The following CUL1 variants were observed in gnomAD, a reference collection of about 807,000 sequenced individuals.
The protein encoded by CUL1 is cullin 1.
In CUL1, 24 loss-of-function variants were observed where a neutral mutation model predicts 118.0. That is an observed-to-expected ratio of 0.20 (90% confidence interval 0.15 to 0.29). CUL1 has a LOEUF of 0.29. Ranked by LOEUF, CUL1 falls within the 10% of genes least tolerant of loss-of-function variation. The pLI is 1.00. For missense variants in CUL1, 361 were observed against 933.8 expected, an observed-to-expected ratio of 0.39 and a Z score of 7.99; for synonymous variants, 332 against 340.4, an observed-to-expected ratio of 0.98 and a Z score of 0.27.
chr7:148,746,426 C>T (rs1257174067), intron 2 of CUL1, among the ~76,000 whole-genome samples: 1 of 152,056 alleles, frequency 6.6e-6, no homozygotes, highest in African/African-American at 2.4e-5. Flanking sequence ...AAGAATCTGC[C>T]CTGAAAGAAC....
chr7:148,717,932 T>C (rs1299031204), intron 1 of CUL1, among the ~76,000 whole-genome samples: 1 of 152,204 alleles, frequency 6.6e-6, no homozygotes, highest in Non-Finnish European at 1.5e-5. Flanking sequence ...TCTCTTCCAA[T>C]ACCTGCAGGC....
In CUL1 at chr7:148,787,141, A is replaced by G. The variant is rs912665382; in HGVS notation, c.1479+21A>G. On this transcript the variant is annotated intron_variant, in intron 13 of 21. Coordinates refer to ENST00000325222, the MANE Select transcript of CUL1 (RefSeq NM_003592.3). This position sits in a 1 kb window ranked among gnomAD's most constrained non-coding sequence, Gnocchi z 5.5. ...TAAAGGTGAGTTTCATCTTTTCCTGAAAAATCCCAGCTTCTGAGTCATTAT... is the reference window on the plus strand; with the variant it reads ...TAAAGGTGAGTTTCATCTTTTCCTGGAAAATCCCAGCTTCTGAGTCATTAT... 1.1e-5 allele frequency: 17 copies of G among 1,611,458 alleles called. No homozygotes were observed. The Admixed American group carries it at 1.8e-4, about 17-fold the overall frequency.
intron 9 of CUL1, among the ~76,000 whole-genome samples, chr7:148,768,741 CTT>C (rs1044670317): frequency 1.3e-5 from 2 of 152,028 alleles, no homozygotes; most frequent in African/African-American, 4.8e-5. Context: ...GAAAGCTTCT[CTT>C]GTTTTGACTT....
intron 17 of CUL1, among the ~76,000 whole-genome samples, chr7:148,796,136 T>A (rs1008124014): frequency 5.3e-5 from 8 of 152,198 alleles, no homozygotes. Context: ...TTTTACTAGA[T>A]GTCCTTTATC....
chr7:148,774,186 T>C (rs1415864843), intron 9 of CUL1, among the ~76,000 whole-genome samples: 1 of 152,210 alleles, frequency 6.6e-6, no homozygotes, highest in Admixed American at 6.5e-5. Flanking sequence ...CTCGAAATCG[T>C]TGTAGTCAGT....
intron 3 of CUL1, among the ~76,000 whole-genome samples, chr7:148,754,902 A>C (rs1311172477): frequency 6.6e-6 from 1 of 151,878 alleles, no homozygotes; most frequent in African/African-American, 2.4e-5. Flanking sequence ...ATGTACCACC[A>C]TACCCAGCTC....
At chr7:148,764,465 G>GCC (rs1414075877) in intron 7 of CUL1, among the ~76,000 whole-genome samples, 1 of 152,134 alleles carries the variant, frequency 6.6e-6, no homozygotes, top group Admixed American at 6.5e-5. Flanking sequence ...CACTCTTCCT[G>GCC]CCCCCTCAGC....
chr7:148,756,916 C>A, intron 3 of CUL1, 67 bp from the exon 4 acceptor site: 1 of 1,120,374 alleles, frequency 8.9e-7, no homozygotes, highest in Non-Finnish European at 1.2e-6. Context: ...AGATGTTATT[C>A]ACCGTTATTT....
chr7:148,707,118 C>A (rs962204660), intron 1 of CUL1, among the ~76,000 whole-genome samples: 3 of 152,106 alleles, frequency 2.0e-5, no homozygotes, highest in Non-Finnish European at 4.4e-5. Flanking sequence ...ACTCCCCTAC[C>A]ATATTAACAT....
At chr7:148,765,201 G>A (rs954600679) in intron 7 of CUL1, among the ~76,000 whole-genome samples, 1 of 152,150 alleles carries the variant, frequency 6.6e-6, no homozygotes, top group African/African-American at 2.4e-5. Flanking sequence ...GGTTTAAACA[G>A]TTGTCCCATT....
chr7:148,738,119 T>C (rs1384346256), intron 2 of CUL1, among the ~76,000 whole-genome samples: 1 of 152,206 alleles, frequency 6.6e-6, no homozygotes, highest in African/African-American at 2.4e-5. Context: ...AAGTCAAGAA[T>C]TGATTCCCCA....
rs756434421 is a variant in CUL1, at chr7:148,754,020, C to T, written c.185C>T (p.Ala62Val). 1.2e-6 allele frequency: 2 copies of T among 1,613,382 alleles called. No individual in the cohort carries two copies. Among genetic ancestry groups the T allele is most frequent in the Non-Finnish European group, 1.7e-6 (2 of 1,179,746 alleles). ...ACTAGTGTTCACCAGTCAAACCAAGCACGAGGAGCTGGAGTTCCTCCTTCT... is the reference window on the plus strand; with the variant it reads ...ACTAGTGTTCACCAGTCAAACCAAGTACGAGGAGCTGGAGTTCCTCCTTCT... ...YCTSVHQSNQ[A>V]RGAGVPPSKS... is the part of the protein sequence containing the mutation. Residue 62 changes from alanine (A) to valine (V), a missense_variant, in exon 3 of 22, where the codon GCA becomes GTA. Around this residue, in one of 7 missense-constraint regions of CUL1, gnomAD observed 49 missense variants for 67.4 expected, o/e 0.73. Coordinates refer to ENST00000325222, the MANE Select transcript of CUL1 (RefSeq NM_003592.3).
chr7:148,783,236 C>T (rs933385348), intron 9 of CUL1: 30 of 688,694 alleles, frequency 4.4e-5, no homozygotes, highest in Non-Finnish European at 5.0e-5. Context: ...CTGCCCTGCG[C>T]CGCGCTCCGC....
chr7:148,781,733 T>C (rs972585890), intron 9 of CUL1, among the ~76,000 whole-genome samples: 1 of 152,114 alleles, frequency 6.6e-6, no homozygotes, highest in African/African-American at 2.4e-5. Flanking sequence ...TTTTCGGGAA[T>C]GAGGGTGAAG....
rs191886387 is a variant in CUL1, at chr7:148,702,024, A to G, written c.-162+2995A>G. On this transcript the variant is annotated intron_variant, in intron 1 of 21. Transcript: ENST00000325222. The stretch of plus-strand genomic sequence containing the variant: ...AATTCTAAGGTTGCCTTGCTTTTTA[A>G]AAACATTTGGTAGTTTATCAGTGTG... 2.7e-3 allele frequency among the ~76,000 whole-genome samples: 410 copies of G among 152,308 alleles called. 9 individuals carry two copies. The South Asian group carries it at 0.04, about 15-fold the overall frequency.
chr7:148,785,001 C>T (rs1800768983), intron 11 of CUL1, among the ~76,000 whole-genome samples: 1 of 152,150 alleles, frequency 6.6e-6, no homozygotes, highest in Admixed American at 6.6e-5. Context: ...CCCAGCAGTA[C>T]CAAGTCTGAT....
chr7:148,736,503 A>G (rs1157903779), intron 2 of CUL1, among the ~76,000 whole-genome samples: 3 of 151,916 alleles, frequency 2.0e-5, no homozygotes, highest in Admixed American at 1.3e-4. Flanking sequence ...GAGTCTTGCT[A>G]TGTTGCCCAG....
intron 11 of CUL1, among the ~76,000 whole-genome samples, chr7:148,784,307 A>G (rs1800749479): frequency 6.6e-6 from 1 of 152,166 alleles, no homozygotes. Context: ...GTTATTCTCC[A>G]TCCAAGCACT....
chr7:148,731,769 A>T (rs1199097169), intron 2 of CUL1, among the ~76,000 whole-genome samples: 1 of 152,172 alleles, frequency 6.6e-6, no homozygotes, highest in African/African-American at 2.4e-5. Context: ...TTTTGCATAC[A>T]TGGAGTCATA....
Sources: gnomAD v4.1 joint callset for allele counts (sites outside exome capture counted in the v4.1 genomes callset) on GRCh38, gnomAD v4.1.1 for gene constraint, gnomAD v4.1.1 regional missense constraint, Gnocchi (gnomAD v3.1) non-coding constraint, MANE v1.5 for transcripts, NCBI Gene and HGNC (gene_info 2026-07-23, HGNC 2026-07-21) for gene names.